The following BLTP1 variants were observed in gnomAD, a reference collection of about 807,000 sequenced individuals.
BLTP1 encodes the protein fragile site-associated protein.
the BLTP1 span, chr4:122,181,208 A>G: frequency 2.5e-6 from 2 of 810,508 alleles, no homozygotes; most frequent in East Asian, 2.5e-4. Context: ...GAGTATTTAC[A>G]AACATTCTAT....
At chr4:122,277,415 A>G in the BLTP1 span, 1 of 974,950 alleles carries the variant, frequency 1.0e-6, no homozygotes, top group Admixed American at 6.2e-5. Flanking sequence ...TAAATGTCCT[A>G]TCATATCCTA....
the BLTP1 span, chr4:122,247,202 C>T: frequency 6.2e-7 from 1 of 1,613,142 alleles, no homozygotes; most frequent in East Asian, 2.2e-5. Flanking sequence ...CCTGGTAGAA[C>T]ATCAAATTTT....
the BLTP1 span, chr4:122,209,900 G>A: frequency 1.1e-5 from 17 of 1,613,228 alleles, no homozygotes; most frequent in South Asian, 1.9e-4. Flanking sequence ...TCCACAAAAA[G>A]CAGATGAACA....
the BLTP1 span, chr4:122,324,240 G>A: frequency 3.0e-4 from 61 of 203,888 alleles, no homozygotes; most frequent in Non-Finnish European, 3.1e-4. Flanking sequence ...TTTTCATTGC[G>A]CCTCCTAATT....
the BLTP1 span, chr4:122,212,137 C>G: frequency 3.4e-6 from 3 of 875,490 alleles, no homozygotes; most frequent in African/African-American, 1.8e-5. Context: ...AGTAAAGGCT[C>G]TCTGCAGGAA....
chr4:122,243,481 C>T, the BLTP1 span: 1 of 970,818 alleles, frequency 1.0e-6, no homozygotes, highest in Non-Finnish European at 1.2e-6. Context: ...TGGTTCACAC[C>T]TGTAATCCCA....
chr4:122,261,244 C>T, the BLTP1 span: 2 of 965,208 alleles, frequency 2.1e-6, no homozygotes, highest in Non-Finnish European at 2.5e-6. Context: ...ACGCTTGGGA[C>T]ACTTTAATCT....
chr4:122,212,749 A>G, the BLTP1 span, among the ~76,000 whole-genome samples: 1 of 152,260 alleles, frequency 6.6e-6, no homozygotes, highest in African/African-American at 2.4e-5. Flanking sequence ...GCCATTGCTG[A>G]TAGGTTATTG....
chr4:122,177,215 T>C, the BLTP1 span, among the ~76,000 whole-genome samples: 16 of 152,222 alleles, frequency 1.1e-4, no homozygotes, highest in African/African-American at 3.1e-4. Flanking sequence ...TTTCTATTGC[T>C]CAGGCCAAAA....
the BLTP1 span, chr4:122,209,826 G>A: frequency 6.2e-7 from 1 of 1,613,328 alleles, no homozygotes; most frequent in Non-Finnish European, 8.5e-7. Context: ...AGGTCTGGTT[G>A]GGTTGAATGC....
the BLTP1 span, among the ~76,000 whole-genome samples, chr4:122,163,689 C>T: frequency 6.6e-6 from 1 of 152,210 alleles, no homozygotes; most frequent in African/African-American, 2.4e-5. Flanking sequence ...TTAGTGTCCT[C>T]ACTTTACACA....
chr4:122,285,183 T>G, the BLTP1 span, among the ~76,000 whole-genome samples: 1 of 152,134 alleles, frequency 6.6e-6, no homozygotes, highest in South Asian at 2.1e-4. Flanking sequence ...GTTTAGGATC[T>G]TAGAGTAAAC....
At chr4:122,313,876 T>A in the BLTP1 span, 276 of 169,226 alleles carry the variant, frequency 1.6e-3, 1 homozygote, top group Non-Finnish European at 2.3e-3. Context: ...TATATATATA[T>A]AAATATATAC....
the BLTP1 span, chr4:122,199,802 G>T: frequency 2.0e-6 from 1 of 489,242 alleles, no homozygotes. Flanking sequence ...AGCCCCGCTG[G>T]ATTTCTTTCC....
the BLTP1 span, among the ~76,000 whole-genome samples, chr4:122,253,184 T>C: frequency 6.6e-6 from 1 of 152,080 alleles, no homozygotes; most frequent in Admixed American, 6.5e-5. Flanking sequence ...CCAAGAAGGA[T>C]GGGTACAAAC....
the BLTP1 span, among the ~76,000 whole-genome samples, chr4:122,171,477 A>G: frequency 2.0e-5 from 3 of 152,074 alleles, no homozygotes; most frequent in Non-Finnish European, 4.4e-5. Flanking sequence ...GGTAATGATA[A>G]TATGTTAAGC....
the BLTP1 span, among the ~76,000 whole-genome samples, chr4:122,217,114 T>C: frequency 3.9e-5 from 6 of 152,040 alleles, no homozygotes; most frequent in Non-Finnish European, 8.8e-5. Context: ...TTTCGCACTT[T>C]ATGTTTTTGT....
chr4:122,278,822 G>A, the BLTP1 span, among the ~76,000 whole-genome samples: 2 of 152,112 alleles, frequency 1.3e-5, no homozygotes, highest in African/African-American at 2.4e-5. Context: ...TCTAGAGATG[G>A]GTTTTTTCCT....
the BLTP1 span, chr4:122,315,758 G>A: frequency 7.2e-7 from 1 of 1,397,988 alleles, no homozygotes; most frequent in Non-Finnish European, 1.0e-6. Flanking sequence ...TTTTTGTTCA[G>A]TGTTATTTAG....
Sources: allele counts gnomAD v4.1 joint callset (sites outside exome capture counted in the v4.1 genomes callset), GRCh38; gene constraint gnomAD v4.1.1; transcripts MANE v1.5; gene names NCBI Gene and HGNC (gene_info 2026-07-23, HGNC 2026-07-21).